The following DTX4 variants were observed in gnomAD, a reference collection of about 807,000 sequenced individuals.
DTX4 encodes the protein E3 ubiquitin-protein ligase DTX4.
Under a neutral mutation model 57.6 loss-of-function variants are expected in DTX4, and 28 were observed. The ratio of observed to expected loss-of-function variants is 0.49; its 90% confidence interval spans 0.36 to 0.67. The LOEUF (loss-of-function observed/expected upper bound fraction) is 0.67, where lower values mean the gene tolerates loss of function less well. Ranked by LOEUF, DTX4 falls within the 30% of genes least tolerant of loss-of-function variation. The probability of loss-of-function intolerance (pLI) is 0.00; values close to 1 mark genes in which losing one functional copy is unlikely to be tolerated. For missense variants in DTX4, 715 were observed against 836.8 expected (o/e 0.85, Z 1.80); for synonymous variants, 316 against 331.0 (o/e 0.95, Z 0.49).
intron 1 of DTX4, among the ~76,000 whole-genome samples, chr11:59,173,725 A>T (rs1590976646): frequency 6.6e-6 from 1 of 151,900 alleles, no homozygotes; most frequent in Admixed American, 6.6e-5. Context: ...TTCCCAGCTG[A>T]CCTGCCTTTC....
chr11:59,183,054 A>G (rs1056366113), intron 2 of DTX4, among the ~76,000 whole-genome samples: 2 of 152,200 alleles, frequency 1.3e-5, no homozygotes, highest in African/African-American at 4.8e-5. Context: ...GAAGTAGGCA[A>G]GTAGGCATTA....
At chr11:59,186,528 G>C (rs1167982608) in intron 2 of DTX4, among the ~76,000 whole-genome samples, 1 of 152,192 alleles carries the variant, frequency 6.6e-6, no homozygotes, top group Non-Finnish European at 1.5e-5. Flanking sequence ...AGAAAGAGCT[G>C]GGCGAGGAGA....
chr11:59,175,937 C>A (rs992764031), intron 1 of DTX4, among the ~76,000 whole-genome samples: 1 of 146,066 alleles, frequency 6.8e-6, no homozygotes, highest in African/African-American at 2.5e-5. Flanking sequence ...CTTAAGATTT[C>A]TTCTTTCCCT....
intron 1 of DTX4, among the ~76,000 whole-genome samples, chr11:59,175,042 G>C (rs1026038053): frequency 6.6e-6 from 1 of 152,136 alleles, no homozygotes; most frequent in African/African-American, 2.4e-5. Flanking sequence ...AGAATCTCTG[G>C]GTTTCTTAGC....
In DTX4 at chr11:59,182,371, A is replaced by T; in HGVS notation, c.844A>T (p.Ser282Cys). 2 of 1,613,786 alleles carry T rather than the reference A, an allele frequency of 1.2e-6. No individual in the cohort carries two copies. Among genetic ancestry groups the T allele is most frequent in the African/African-American group, 1.3e-5 (1 of 75,054 alleles). The change falls in exon 2 of 9, where the codon AGC becomes TGC. Residue 282 changes from serine to cysteine, a missense_variant. Transcript: ENST00000227451. The part of the protein sequence containing the change: ...GSPASPPGPN[S>C]KTGRVALATL... ...TCCTGCCAGTCCCCCAGGACCCAAC[A>T]GCAAGACCGGAAGGGTGGCCCTGGC...
Position 59,189,352 on chromosome 11 carries a change from G to A in DTX4, c.1159+29G>A, listed in dbSNP as rs189302795. ...CCAGCCTCTTGTCTCGTGGGGTACT[G>A]AGAGTCAAAGACTTGGCTGTCAGCC... On this transcript the variant is annotated intron_variant, in intron 4 of 8. Coordinates refer to ENST00000227451, the MANE Select transcript of DTX4 (RefSeq NM_015177.2). 9.3e-4 allele frequency: 1,401 copies of A among 1,502,336 alleles called. 17 individuals are homozygous for A. The highest frequency in any genetic ancestry group is 1.3e-4 in the Non-Finnish European group (148 of 1,119,224). The allele number at this position is 1,502,336 out of a possible 1,614,324, so 93.1% of individuals were successfully genotyped here. A position where few individuals can be genotyped will look rare whatever the true frequency, so the allele number is the denominator to read the frequency against.
chr11:59,200,168 T>C (rs1272868049), intron 8 of DTX4, among the ~76,000 whole-genome samples: 1 of 152,180 alleles, frequency 6.6e-6, no homozygotes, highest in Admixed American at 6.5e-5. Flanking sequence ...GAGAGCCAAG[T>C]GAAAGGGGAA....
At position 59,195,451 on chromosome 11, in the gene DTX4, T is replaced by C. The variant is rs551014325; in HGVS notation, c.1536+82T>C. 93 of 1,457,066 alleles carry C rather than the reference T, an allele frequency of 6.4e-5. No homozygotes were observed. In the African/African-American group the frequency reaches 1.2e-3, roughly 18 times the overall value. 90.3% of individuals were successfully genotyped at this position (1,457,066 alleles called of 1,614,324 possible). A position where few individuals can be genotyped will look rare whatever the true frequency, so the allele number is the denominator to read the frequency against. ...GTGTTTGTAGGTAAAAAGTTACATATGAAGAGTCTCCTTCCCACACTTTTC... is the reference window on the plus strand; with the variant it reads ...GTGTTTGTAGGTAAAAAGTTACATACGAAGAGTCTCCTTCCCACACTTTTC... On this transcript the variant is annotated intron_variant, in intron 7 of 8. Coordinates refer to ENST00000227451, the MANE Select transcript of DTX4 (RefSeq NM_015177.2).
rs1478451713 is a variant in DTX4, at chr11:59,202,841, TC to T, written c.1627-1834del. On this transcript the variant is annotated intron_variant, in intron 8 of 8. Transcript: ENST00000227451. Reference sequence around the variant, plus strand: ...AGACAGCTTCATCATCATACAAACATCGCAGAGTGTACTTACACAAAACTAG... The same window carrying T: ...AGACAGCTTCATCATCATACAAACATGCAGAGTGTACTTACACAAAACTAG... 2.0e-5 allele frequency among the ~76,000 whole-genome samples: 3 copies of T among 152,208 alleles called. No individual in the cohort carries two copies. In the East Asian group the frequency reaches 5.8e-4, roughly 29 times the overall value.
Position 59,172,795 on chromosome 11 carries a change from G to T in DTX4, c.200G>T (p.Arg67Leu). The T allele has an allele frequency of 6.3e-7, 1 of 1,579,404 alleles. No homozygotes were observed. The highest frequency in any genetic ancestry group is 8.6e-7 in the Non-Finnish European group (1 of 1,163,166). Residue 67 changes from arginine (R) to leucine (L), a missense_variant, in exon 1 of 9, where the codon CGC becomes CTC. Arg to Leu is a moderately radical substitution (Grantham distance 102). Coordinates refer to ENST00000227451, the MANE Select transcript of DTX4 (RefSeq NM_015177.2). ...GACCTGCAGTCCATGAACCAGTTCCGCCAAGACACGGGTGAGCCAGCCGCC... is the reference window on the plus strand; with the variant it reads ...GACCTGCAGTCCATGAACCAGTTCCTCCAAGACACGGGTGAGCCAGCCGCC... ...IIDLQSMNQF[R>L]QDTGTLRPVR...
chr11:59,183,474 C>T (rs1389960865), intron 2 of DTX4, among the ~76,000 whole-genome samples: 1 of 152,198 alleles, frequency 6.6e-6, no homozygotes, highest in Non-Finnish European at 1.5e-5. Flanking sequence ...GTGGCTGCAA[C>T]CTTTGCCTGC....
intron 4 of DTX4, among the ~76,000 whole-genome samples, chr11:59,189,782 T>C (rs1355328126): frequency 6.6e-6 from 1 of 152,196 alleles, no homozygotes; most frequent in African/African-American, 2.4e-5. Flanking sequence ...AGTTAGGAAG[T>C]AGTCCCTGTC....
At chr11:59,177,042 C>T (rs75897976) in intron 1 of DTX4, among the ~76,000 whole-genome samples, 87 of 152,304 alleles carry the variant, frequency 5.7e-4, no homozygotes, top group Middle Eastern at 3.4e-3. Context: ...ACTTTCCCTC[C>T]AAAACCAGCT....
At chr11:59,202,277 G>T (rs1363629431) in intron 8 of DTX4, among the ~76,000 whole-genome samples, 1 of 152,142 alleles carries the variant, frequency 6.6e-6, no homozygotes, top group Non-Finnish European at 1.5e-5. Flanking sequence ...TAGAGGATGG[G>T]CTTTGAAGCC....
In DTX4 at chr11:59,181,805, G is replaced by A; in HGVS notation, c.278G>A (p.Trp93Ter). The stretch of plus-strand genomic sequence containing the variant: ...TCGGCCCCTGGGAAGGGCGTGGTGT[G>A]GGAGTGGGAGAACGACAATGGCTCC... ...PSSAPGKGVV[W>*]EWENDNGSWT... Residue 93 changes from tryptophan to a stop codon, truncating the protein, a stop_gained, in exon 2 of 9, where the codon TGG becomes TAG. Coordinates refer to ENST00000227451, the MANE Select transcript of DTX4 (RefSeq NM_015177.2). LOFTEE classifies it high-confidence loss of function. 1 of 1,613,966 alleles carries A rather than the reference G, an allele frequency of 6.2e-7. No homozygotes were observed. The highest frequency in any genetic ancestry group is 8.5e-7 in the Non-Finnish European group (1 of 1,179,882).
rs200185979 is a variant in DTX4 at position 59,172,719 on chromosome 11, G to A, written c.124G>A (p.Gly42Ser). The change falls in exon 1 of 9, where the codon GGC (glycine) becomes AGC (serine). Residue 42 changes from glycine to serine, a missense_variant. Physicochemically the swap from Gly to Ser is moderately conservative, Grantham distance 56. Transcript: ENST00000227451. ...AVVRAGPRAG[G>S]SVVLGQVDSR... ...GGTCCGCGCCGGCCCCCGCGCGGGG[G>A]GCAGCGTGGTGCTGGGCCAGGTGGA... The A allele has an allele frequency of 3.6e-4, 578 of 1,603,956 alleles. 3 individuals carry two copies. In the Middle Eastern group the frequency reaches 5.0e-3, roughly 14 times the overall value.
chr11:59,195,108 G>T (rs372751277), intron 6 of DTX4, 100 bp from the exon 7 acceptor site: 5 of 1,258,086 alleles, frequency 4.0e-6, no homozygotes, highest in Non-Finnish European at 5.8e-6. Flanking sequence ...GGTGCATTTT[G>T]TTCCCCTGGC....
At chr11:59,177,649 C>T (rs1362196435) in intron 1 of DTX4, among the ~76,000 whole-genome samples, 2 of 152,322 alleles carry the variant, frequency 1.3e-5, no homozygotes, top group East Asian at 3.9e-4. Context: ...ATCTGCCAAA[C>T]AGAGGCTACC....
chr11:59,178,300 G>A (rs1862420133), intron 1 of DTX4, among the ~76,000 whole-genome samples: 1 of 152,142 alleles, frequency 6.6e-6, no homozygotes, highest in Non-Finnish European at 1.5e-5. Context: ...CAACCTAATG[G>A]GAAGTCATGG....
Sources: gnomAD v4.1 joint callset for allele counts (sites outside exome capture counted in the v4.1 genomes callset) on GRCh38, gnomAD v4.1.1 for gene constraint, MANE v1.5 for transcripts, NCBI Gene and HGNC (gene_info 2026-07-23, HGNC 2026-07-21) for gene names.